The following ACTR5 variants were observed in gnomAD, a reference collection of about 807,000 sequenced individuals.
ACTR5 encodes the protein actin-related protein 5.
ACTR5 carries 43 observed loss-of-function variants against 61.2 expected under a neutral mutation model. That is an observed-to-expected ratio of 0.70 (90% CI 0.55 to 0.91). The LOEUF is 0.91. Among genes scored for constraint, ACTR5 ranks in the 40% least tolerant of loss-of-function variants. The pLI is 0.00. For missense variants in ACTR5, 798 were observed against 782.2 expected, an observed-to-expected ratio of 1.02 and a Z score of -0.24; for synonymous variants, 333 against 310.5, an observed-to-expected ratio of 1.07 and a Z score of -0.76.
intron 6 of ACTR5, 116 bp downstream of exon 6, chr20:38,765,634 C>A: frequency 1.2e-6 from 1 of 819,070 alleles, no homozygotes; most frequent in Non-Finnish European, 2.0e-6. Context: ...AATTGGGTAC[C>A]AATACTTAAA....
chr20:38,755,910 G>A lies in ACTR5; in HGVS notation c.1047G>A (p.Leu349=). ...MDQFHKALIE[L]NMDSPEELQS... Reference sequence around the variant, plus strand: ...AGTTTCACAAAGCTCTGATAGAGCTGAATATGGACTCCCCAGAAGAGCTGC... The same window carrying A: ...AGTTTCACAAAGCTCTGATAGAGCTAAATATGGACTCCCCAGAAGAGCTGC... Residue 349 remains leucine, a synonymous_variant, in exon 5 of 9, where the codon CTG becomes CTA. Coordinates refer to ENST00000243903, the MANE Select transcript of ACTR5 (RefSeq NM_024855.4). 6.2e-7 allele frequency: 1 copy of A among 1,614,212 alleles called. No individual in the cohort carries two copies. The highest frequency in any genetic ancestry group is 8.5e-7 in the Non-Finnish European group (1 of 1,180,042).
chr20:38,771,858 G>A lies in ACTR5; in HGVS notation c.*42G>A, dbSNP rs2084522258. 1 of 1,572,736 alleles carries A rather than the reference G, an allele frequency of 6.4e-7. No individual in the cohort carries two copies. The highest frequency in any genetic ancestry group is 1.3e-5 in the African/African-American group (1 of 74,226). On this transcript the variant is annotated 3_prime_UTR_variant, in exon 9 of 9. Coordinates refer to ENST00000243903, the MANE Select transcript of ACTR5 (RefSeq NM_024855.4). Reference sequence around the variant, plus strand: ...AGACTGCCCTGCACGCCATGCCTTGGGCCACGTTGGCAGTGTGACAGGACT... The same window carrying A: ...AGACTGCCCTGCACGCCATGCCTTGAGCCACGTTGGCAGTGTGACAGGACT...
At chr20:38,761,995 C>T (rs1052978216) in intron 5 of ACTR5, among the ~76,000 whole-genome samples, 19 of 152,152 alleles carry the variant, frequency 1.2e-4, no homozygotes, top group Non-Finnish European at 2.4e-4. Flanking sequence ...TTTAACTTTT[C>T]TATTGCTACA....
chr20:38,754,746 G>A (rs570787664), intron 3 of ACTR5, among the ~76,000 whole-genome samples: 6 of 151,968 alleles, frequency 3.9e-5, no homozygotes, highest in East Asian at 2.0e-4. Context: ...CCGCCACCAC[G>A]CATGGCTAAT....
chr20:38,762,789 G>A (rs6128918), intron 5 of ACTR5, among the ~76,000 whole-genome samples: 25,921 of 152,112 alleles, frequency 0.17, 2,171 homozygotes, highest in Admixed American at 0.19. Context: ...GAAGAATAGG[G>A]TAAAAATGTG....
At position 38,767,526 on chromosome 20, in the gene ACTR5, T is replaced by C. The variant is rs774003741; in HGVS notation, c.1496T>C (p.Met499Thr). Residue 499 changes from methionine (M) to threonine (T), a missense_variant, in exon 8 of 9, where the codon ATG becomes ACG. Transcript: ENST00000243903. ...QNVFLTGGNT[M>T]YPGMKARMEK... ...GTTTTCCTCACTGGCGGCAACACGA[T>C]GTATCCTGGCATGAAAGCCAGAATG... 2 of 1,614,150 alleles carry C rather than the reference T, an allele frequency of 1.2e-6. No homozygotes were observed. Among genetic ancestry groups the C allele is most frequent in the Admixed American group, 3.3e-5 (2 of 60,030 alleles).
At chr20:38,770,777 G>A (rs2084515001) in intron 8 of ACTR5, among the ~76,000 whole-genome samples, 1 of 152,176 alleles carries the variant, frequency 6.6e-6, no homozygotes, top group Admixed American at 6.5e-5. Context: ...GGCAAGCCCA[G>A]CAGCTGGACT....
chr20:38,765,835 T>C (rs1391879032), intron 6 of ACTR5, among the ~76,000 whole-genome samples: 6 of 152,212 alleles, frequency 3.9e-5, no homozygotes, highest in Non-Finnish European at 8.8e-5. Flanking sequence ...ATAATCCTCT[T>C]TGGAATCTAT....
chr20:38,754,480 A>G (rs2084406008), intron 3 of ACTR5, among the ~76,000 whole-genome samples: 1 of 151,968 alleles, frequency 6.6e-6, no homozygotes, highest in African/African-American at 2.4e-5. Context: ...GCACTTTGGG[A>G]GGCCGAGGCG....
At chr20:38,754,119 A>G (rs2084403433) in intron 3 of ACTR5, among the ~76,000 whole-genome samples, 1 of 152,192 alleles carries the variant, frequency 6.6e-6, no homozygotes, top group Non-Finnish European at 1.5e-5. Flanking sequence ...CCCATCAGAC[A>G]GTGTTGTGAT....
In ACTR5 at chr20:38,748,840, G is replaced by A. The variant is rs769213605; in HGVS notation, c.362G>A (p.Gly121Asp). Residue 121 changes from glycine to aspartate, a missense_variant, in exon 1 of 9, where the codon GGT becomes GAT. Coordinates refer to ENST00000243903, the MANE Select transcript of ACTR5 (RefSeq NM_024855.4). The part of the protein sequence containing the change: ...LLLDYSFQHL[G>D]VSSQGCVDHP... ...CTGGACTACAGCTTCCAGCACCTGG[G>A]TGTCTCCTCACAGGTGAAGGGCGGA... The A allele has an allele frequency of 6.2e-7, 1 of 1,607,814 alleles. No homozygotes were observed. Among genetic ancestry groups the A allele is most frequent in the Admixed American group, 1.7e-5 (1 of 59,696 alleles).
chr20:38,750,025 C>T lies in ACTR5; in HGVS notation c.391C>T (p.Pro131Ser). The change falls in exon 2 of 9, where the codon CCC becomes TCC. Residue 131 changes from proline (P) to serine (S), a missense_variant. Coordinates refer to ENST00000243903, the MANE Select transcript of ACTR5 (RefSeq NM_024855.4). The part of the protein sequence containing the change: ...GVSSQGCVDH[P>S]IVLTEAVCNP... ...TTCAAAGTAGGGCTGTGTTGATCAT[C>T]CCATAGTTTTGACAGAAGCTGTGTG... 1 of 1,614,024 alleles carries T rather than the reference C, an allele frequency of 6.2e-7. No homozygotes were observed. Among genetic ancestry groups the T allele is most frequent in the Non-Finnish European group, 8.5e-7 (1 of 1,179,860 alleles).
intron 5 of ACTR5, among the ~76,000 whole-genome samples, chr20:38,757,796 T>A (rs1320199285): frequency 6.6e-6 from 1 of 150,490 alleles, no homozygotes; most frequent in Non-Finnish European, 1.5e-5. Flanking sequence ...ATAGGCTTAC[T>A]AGATACACCT....
intron 8 of ACTR5, among the ~76,000 whole-genome samples, chr20:38,768,797 A>G (rs927649852): frequency 1.3e-5 from 2 of 152,184 alleles, no homozygotes; most frequent in Non-Finnish European, 1.5e-5. Context: ...ATGCCTTTCT[A>G]AGGTAACAGT....
At chr20:38,754,690 G>GC (rs1380096922) in intron 3 of ACTR5, among the ~76,000 whole-genome samples, 5 of 152,118 alleles carry the variant, frequency 3.3e-5, no homozygotes, top group African/African-American at 7.2e-5. Context: ...CTGCACTCCA[G>GC]CTAGGTGACA....
chr20:38,754,320 A>G (rs1294155836), intron 3 of ACTR5, among the ~76,000 whole-genome samples: 1 of 152,086 alleles, frequency 6.6e-6, no homozygotes, highest in East Asian at 1.9e-4. Context: ...CATTATGTCC[A>G]GGTTTGGTAG....
At chr20:38,757,527 C>G (rs2084427608) in intron 5 of ACTR5, among the ~76,000 whole-genome samples, 1 of 151,992 alleles carries the variant, frequency 6.6e-6, no homozygotes, top group Non-Finnish European at 1.5e-5. Flanking sequence ...CTGTTGATTA[C>G]TTATCCTTTC....
At chr20:38,764,606 C>T (rs1217863430) in intron 5 of ACTR5, among the ~76,000 whole-genome samples, 1 of 152,206 alleles carries the variant, frequency 6.6e-6, no homozygotes, top group Non-Finnish European at 1.5e-5. Context: ...CCTCTAGTCG[C>T]ATTCCCAGCC....
intron 8 of ACTR5, among the ~76,000 whole-genome samples, chr20:38,770,917 G>C (rs1320915139): frequency 1.3e-5 from 2 of 151,256 alleles, no homozygotes; most frequent in African/African-American, 2.4e-5. Flanking sequence ...GAGTGGGGAG[G>C]TGAGAGGGAG....
Sources: allele counts gnomAD v4.1 joint callset (sites outside exome capture counted in the v4.1 genomes callset), GRCh38; gene constraint gnomAD v4.1.1; transcripts MANE v1.5; gene names NCBI Gene and HGNC (gene_info 2026-07-23, HGNC 2026-07-21).